The following SAXO1 variants were observed in gnomAD, a reference collection of about 807,000 sequenced individuals.
SAXO1 encodes the protein stabilizer of axonemal microtubules 1.
SAXO1 carries 21 observed loss-of-function variants against 17.5 expected under a neutral mutation model. That is an observed-to-expected ratio of 1.20 (90% CI 0.85 to 1.72). SAXO1 has a LOEUF of 1.72. SAXO1 is among the 40% of genes most tolerant of loss of function. The pLI, the probability that SAXO1 is intolerant of heterozygous loss-of-function variation, is 0.00. For missense variants in SAXO1, 843 were observed against 596.0 expected (o/e 1.41, Z -4.32); for synonymous variants, 274 against 216.5 (o/e 1.27, Z -2.33).
chr9:19,038,181 T>C (rs938173066), upstream of SAXO1, among the ~76,000 whole-genome samples: 2 of 152,172 alleles, frequency 1.3e-5, no homozygotes, highest in South Asian at 4.1e-4. Context: ...AGTTCAACCA[T>C]TGTGGAAGGC....
intron 1 of SAXO1, among the ~76,000 whole-genome samples, chr9:19,025,833 G>A (rs1427570479): frequency 3.9e-5 from 6 of 151,912 alleles, no homozygotes; most frequent in Admixed American, 6.6e-5. Context: ...ATCTCAGGAG[G>A]GAGATTTGCT....
chr9:19,018,122 T>C (rs550444485), intron 1 of SAXO1, among the ~76,000 whole-genome samples: 8 of 151,330 alleles, frequency 5.3e-5, no homozygotes, highest in Admixed American at 5.3e-4. Context: ...GAGTCATGAC[T>C]GCACCACTGC....
chr9:19,048,721 G>C (rs1440657341), intron 1 of SAXO1, among the ~76,000 whole-genome samples: 1 of 152,208 alleles, frequency 6.6e-6, no homozygotes, highest in Non-Finnish European at 1.5e-5. Flanking sequence ...TCTAACCTTT[G>C]ATTCCCTAAC....
intron 1 of SAXO1, among the ~76,000 whole-genome samples, chr9:19,009,524 G>A (rs1834633848): frequency 6.6e-6 from 1 of 152,096 alleles, no homozygotes; most frequent in Middle Eastern, 3.2e-3. Flanking sequence ...TTTGGGCTCT[G>A]GGCAAACTCC....
At chr9:18,930,299 G>C (rs543893046) in intron 3 of SAXO1, among the ~76,000 whole-genome samples, 3 of 152,284 alleles carry the variant, frequency 2.0e-5, no homozygotes, top group African/African-American at 7.2e-5. Flanking sequence ...CATAATGGGA[G>C]GCCTGGACCC....
intron 3 of SAXO1, among the ~76,000 whole-genome samples, chr9:18,936,959 T>C (rs1831322797): frequency 6.6e-6 from 1 of 152,208 alleles, no homozygotes; most frequent in Non-Finnish European, 1.5e-5. Context: ...GTGGAACAAA[T>C]GTAAGCAGAG....
chr9:19,036,561 T>C (rs531555850), upstream of SAXO1, among the ~76,000 whole-genome samples: 370 of 152,216 alleles, frequency 2.4e-3, no homozygotes, highest in African/African-American at 8.1e-3. Context: ...GGGGCCAACA[T>C]AGAGCTTGGG....
chr9:18,941,811 G>C lies in SAXO1; in HGVS notation c.247C>G (p.Pro83Ala), dbSNP rs201779339. Residue 83 changes from proline to alanine, a missense_variant, in exon 3 of 4, where the codon CCA becomes GCA. Coordinates refer to ENST00000380534, the MANE Select transcript of SAXO1 (RefSeq NM_153707.4). ...TGGTCATACTGGTGGACCTTCACTG[G>C]TGCCACTTTGTGAGGCCCAAAATCT... is the stretch of plus-strand genomic sequence containing the variant. ...RRDFGPHKVA[P>A]VKVHQYDQFV... 13 of 1,614,136 alleles carry C rather than the reference G, an allele frequency of 8.1e-6. No homozygotes were observed. In the East Asian group the frequency reaches 2.9e-4, roughly 36 times the overall value.
At chr9:18,969,351 G>A (rs1184594221) in intron 1 of SAXO1, among the ~76,000 whole-genome samples, 1 of 152,166 alleles carries the variant, frequency 6.6e-6, no homozygotes, top group Non-Finnish European at 1.5e-5. Flanking sequence ...CTTGACTGGA[G>A]TTTCACTCTC....
At chr9:19,032,824 T>C in intron 1 of SAXO1, 47 bp downstream of exon 1, 1 of 1,600,446 alleles carries the variant, frequency 6.2e-7, no homozygotes, top group African/African-American at 1.3e-5. Context: ...CTCGGGAGTC[T>C]GAAAACCCAG....
In SAXO1 at chr9:18,981,746, C is replaced by A. The variant is rs142562978; in HGVS notation, c.39-30809G>T. On this transcript the variant is annotated intron_variant, in intron 1 of 3. Coordinates refer to ENST00000380534, the MANE Select transcript of SAXO1 (RefSeq NM_153707.4). ...CACAGCAGGCTCACAGGGATTGGGGCCCCACCTCACAAGTGAATAAAAAAT... is the reference window on the plus strand; with the variant it reads ...CACAGCAGGCTCACAGGGATTGGGGACCCACCTCACAAGTGAATAAAAAAT... Among the ~76,000 whole-genome samples the A allele has an allele frequency of 2.7e-3, 409 of 152,160 alleles. 7 individuals carry two copies. In the South Asian group the frequency reaches 0.035, roughly 13 times the overall value.
chr9:18,941,102 A>G (rs1831534880), intron 3 of SAXO1, among the ~76,000 whole-genome samples: 1 of 152,128 alleles, frequency 6.6e-6, no homozygotes, highest in African/African-American at 2.4e-5. Context: ...ATTTTGATAT[A>G]TTTTTTAAAC....
intron 1 of SAXO1, chr9:19,027,430 G>A (rs1835534831): frequency 1.3e-6 from 1 of 755,814 alleles, no homozygotes; most frequent in African/African-American, 1.7e-5. Flanking sequence ...GCAGATCCAG[G>A]AACTGGTGGA....
Position 19,032,995 on chromosome 9 carries a change from G to A in SAXO1, c.-87C>T, listed in dbSNP as rs531191366. ...ACCCCAACCACCTGTCTTGGGGCACGCCCAGGCTCGAGGGTCTTGGCAGGT... is the reference window on the plus strand; with the variant it reads ...ACCCCAACCACCTGTCTTGGGGCACACCCAGGCTCGAGGGTCTTGGCAGGT... On this transcript the variant is annotated 5_prime_UTR_variant, in exon 1 of 4. Coordinates refer to ENST00000380534, the MANE Select transcript of SAXO1 (RefSeq NM_153707.4). 20 of 1,385,858 alleles carry A rather than the reference G, an allele frequency of 1.4e-5. No individual in the cohort carries two copies. Among genetic ancestry groups the A allele is most frequent in the Admixed American group, 2.4e-5 (1 of 41,400 alleles). The allele number at this position is 1,385,858 out of a possible 1,614,324, so 85.8% of individuals were successfully genotyped here. A position where few individuals can be genotyped will look rare whatever the true frequency, so the allele number is the denominator to read the frequency against.
Position 18,928,474 on chromosome 9 carries a change from C to A in SAXO1, c.1003G>T (p.Glu335Ter), listed in dbSNP as rs942446664. Residue 335 changes from glutamate (E) to a stop codon, truncating the protein, a stop_gained, in exon 4 of 4, where the codon GAA (glutamate) becomes TAA (stop). Coordinates refer to ENST00000380534, the MANE Select transcript of SAXO1 (RefSeq NM_153707.4). LOFTEE classifies it low-confidence loss of function (END_TRUNC). ...ALQIKKCGRF[E>*]GSSTTKDDYK... Reference sequence around the variant, plus strand: ...TCATCCTTGGTGGTGGAAGAGCCTTCAAAGCGACCGCACTTCTTAATCTGA... The same window carrying A: ...TCATCCTTGGTGGTGGAAGAGCCTTAAAAGCGACCGCACTTCTTAATCTGA... 2.5e-6 allele frequency: 4 copies of A among 1,612,638 alleles called. No homozygotes were observed. The South Asian group carries it at 4.4e-5, about 18-fold the overall frequency.
intron 1 of SAXO1, among the ~76,000 whole-genome samples, chr9:19,012,800 A>T (rs1401659007): frequency 6.6e-6 from 1 of 152,226 alleles, no homozygotes; most frequent in Non-Finnish European, 1.5e-5. Flanking sequence ...TCTCATTCTA[A>T]ATAAATTGGC....
intron 1 of SAXO1, among the ~76,000 whole-genome samples, chr9:19,042,055 A>T (rs1425606913): frequency 5.3e-5 from 8 of 152,208 alleles, no homozygotes. Flanking sequence ...CTGATAAAAA[A>T]TTAATCAGAA....
At chr9:18,993,467 T>C (rs1219123669) in intron 1 of SAXO1, among the ~76,000 whole-genome samples, 2 of 152,242 alleles carry the variant, frequency 1.3e-5, no homozygotes, top group African/African-American at 2.4e-5. Context: ...TTCAGTCAGC[T>C]TTCCTTCTTA....
chr9:18,940,080 A>G (rs1831486932), intron 3 of SAXO1, among the ~76,000 whole-genome samples: 1 of 152,190 alleles, frequency 6.6e-6, no homozygotes, highest in South Asian at 2.1e-4. Flanking sequence ...GGCTCCAAAG[A>G]TAGGCCATGA....
Sources: gnomAD v4.1 joint callset for allele counts (sites outside exome capture counted in the v4.1 genomes callset) on GRCh38, gnomAD v4.1.1 for gene constraint, MANE v1.5 for transcripts, NCBI Gene and HGNC (gene_info 2026-07-23, HGNC 2026-07-21) for gene names.